Variants in PPARGC1A observed in about 807,000 individuals in gnomAD.
PPARGC1A encodes the protein PPARG coactivator 1 alpha.
A neutral mutation model predicts 88.7 loss-of-function variants in PPARGC1A; 25 were observed. The ratio of observed to expected loss-of-function variants is 0.28; its 90% CI spans 0.21 to 0.39. The LOEUF is 0.39. Among genes scored for constraint, PPARGC1A ranks in the 10% least tolerant of loss-of-function variants. PPARGC1A has a pLI of 1.00. For missense variants in PPARGC1A, 880 were observed against 968.7 expected, an observed-to-expected ratio of 0.91 and a Z score of 1.22; for synonymous variants, 363 against 355.6, an observed-to-expected ratio of 1.02 and a Z score of -0.24.
chr4:24,317,554 C>CA, the PPARGC1A span, among the ~76,000 whole-genome samples: 1 of 14,254 alleles, frequency 7.0e-5, no homozygotes, highest in Non-Finnish European at 1.9e-4. Context: ...GTTCAGAGGA[C>CA]TAAAAAAAAA....
chr4:24,280,528 G>T, the PPARGC1A span, among the ~76,000 whole-genome samples: 1 of 152,116 alleles, frequency 6.6e-6, no homozygotes, highest in Non-Finnish European at 1.5e-5. Context: ...GGAAAGAAGG[G>T]AAAGGAAGGC....
At chr4:24,342,583 T>C in the PPARGC1A span, among the ~76,000 whole-genome samples, 10 of 152,266 alleles carry the variant, frequency 6.6e-5, no homozygotes, top group Non-Finnish European at 1.5e-4. Flanking sequence ...AAGTCGTTCA[T>C]ATTATTACAG....
chr4:24,204,732 G>A, the PPARGC1A span, among the ~76,000 whole-genome samples: 1 of 152,230 alleles, frequency 6.6e-6, no homozygotes, highest in African/African-American at 2.4e-5. Context: ...TACCATATTA[G>A]TTGTTTATGG....
At chr4:24,245,464 C>T in the PPARGC1A span, among the ~76,000 whole-genome samples, 1 of 152,198 alleles carries the variant, frequency 6.6e-6, no homozygotes, top group African/African-American at 2.4e-5. Flanking sequence ...CGAGGCCCAC[C>T]ATGCCTCAAT....
chr4:23,896,420 G>T (rs2970862), intron 1 of PPARGC1A, among the ~76,000 whole-genome samples: 119,629 of 152,044 alleles, frequency 0.79, 47,999 homozygotes, highest in African/African-American at 0.92. Context: ...TCTCAAATAT[G>T]CATCATATAT....
At chr4:24,322,261 A>C in the PPARGC1A span, among the ~76,000 whole-genome samples, 1 of 152,234 alleles carries the variant, frequency 6.6e-6, no homozygotes, top group South Asian at 2.1e-4. Context: ...TGGGGTACAA[A>C]ATTATTTTCC....
the PPARGC1A span, among the ~76,000 whole-genome samples, chr4:23,910,240 T>C: frequency 9.3e-6 from 1 of 107,016 alleles, no homozygotes; most frequent in East Asian, 2.1e-4. Context: ...ATATATAATA[T>C]ATATAAATAT....
At chr4:24,251,432 C>A in the PPARGC1A span, among the ~76,000 whole-genome samples, 3 of 152,304 alleles carry the variant, frequency 2.0e-5, no homozygotes, top group African/African-American at 7.2e-5. Context: ...TCATCCCTTA[C>A]CTCAAGGTTT....
chr4:24,350,648 G>T, the PPARGC1A span, among the ~76,000 whole-genome samples: 2 of 152,122 alleles, frequency 1.3e-5, no homozygotes, highest in East Asian at 3.8e-4. Flanking sequence ...AACAAACTGT[G>T]CAATTTACCA....
At chr4:23,985,625 C>T in the PPARGC1A span, among the ~76,000 whole-genome samples, 1 of 151,714 alleles carries the variant, frequency 6.6e-6, no homozygotes, top group South Asian at 2.1e-4. Context: ...CTTATCTAAA[C>T]GGGAGGGAGC....
chr4:24,365,313 G>T, the PPARGC1A span, among the ~76,000 whole-genome samples: 1 of 152,100 alleles, frequency 6.6e-6, no homozygotes, highest in Non-Finnish European at 1.5e-5. Flanking sequence ...ACTCTAAAAA[G>T]TTAACATCCA....
chr4:23,977,975 T>C, the PPARGC1A span, among the ~76,000 whole-genome samples: 4 of 152,166 alleles, frequency 2.6e-5, no homozygotes, highest in African/African-American at 9.7e-5. Context: ...TACTAGAACA[T>C]TGTACAATAG....
chr4:24,467,028 AAGAG>A, the PPARGC1A span, among the ~76,000 whole-genome samples: 1 of 101,192 alleles, frequency 9.9e-6, no homozygotes, highest in Non-Finnish European at 2.3e-5. Context: ...GAAAGAAAGA[AAGAG>A]AAAGAGAGAG....
chr4:23,971,576 C>T, the PPARGC1A span, among the ~76,000 whole-genome samples: 1 of 152,118 alleles, frequency 6.6e-6, no homozygotes, highest in Admixed American at 6.5e-5. Context: ...AGGAAGCATC[C>T]AACATGGGAG....
chr4:24,122,580 G>T, the PPARGC1A span, among the ~76,000 whole-genome samples: 2 of 151,924 alleles, frequency 1.3e-5, no homozygotes, highest in Non-Finnish European at 2.9e-5. Context: ...GTACCATAAG[G>T]TACTGAGAAA....
intron 2 of PPARGC1A, chr4:23,866,189 T>G (rs1268192991): frequency 1.3e-5 from 2 of 152,182 alleles, no homozygotes; most frequent in African/African-American, 2.4e-5. Flanking sequence ...GCAAAGTCAC[T>G]GAGGAGAAAG....
At chr4:23,996,883 A>T in the PPARGC1A span, among the ~76,000 whole-genome samples, 3 of 152,144 alleles carry the variant, frequency 2.0e-5, no homozygotes, top group African/African-American at 7.2e-5. Flanking sequence ...GTTTGCCAAC[A>T]CCCAGTCTAG....
the PPARGC1A span, among the ~76,000 whole-genome samples, chr4:24,052,987 C>T: frequency 1.9e-4 from 28 of 149,786 alleles, no homozygotes; most frequent in Admixed American, 4.0e-4. Context: ...CCTCAGCCTC[C>T]GGAGTAGCTG....
the PPARGC1A span, among the ~76,000 whole-genome samples, chr4:24,326,590 C>G: frequency 9.9e-5 from 15 of 152,164 alleles, no homozygotes; most frequent in African/African-American, 2.9e-4. Context: ...TCACAGACAG[C>G]CCCCATTACT....
Sources: gnomAD v4.1 joint callset for allele counts (sites outside exome capture counted in the v4.1 genomes callset) on GRCh38, gnomAD v4.1.1 for gene constraint, MANE v1.5 for transcripts, NCBI Gene and HGNC (gene_info 2026-07-23, HGNC 2026-07-21) for gene names.